Variants in USO1 observed in about 807,000 individuals in gnomAD.
USO1 encodes general vesicular transport factor p115.
In USO1, 57 loss-of-function variants were observed where a neutral mutation model predicts 124.5. The observed-to-expected ratio is 0.46, with a 90% CI of 0.37 to 0.57. USO1 has a LOEUF of 0.57. Ranked by LOEUF, USO1 falls within the 20% of genes least tolerant of loss-of-function variation. The pLI is 0.00. For missense variants in USO1, 900 were observed against 1,040.6 expected, an observed-to-expected ratio of 0.86 and a Z score of 1.86; for synonymous variants, 369 against 362.8, an observed-to-expected ratio of 1.02 and a Z score of -0.19.
chr4:75,766,930 T>C (rs543910604), intron 4 of USO1, among the ~76,000 whole-genome samples: 1 of 152,234 alleles, frequency 6.6e-6, no homozygotes, highest in South Asian at 2.1e-4. Flanking sequence ...TGTAAATGAA[T>C]GGAAATTACC....
At chr4:75,799,456 A>G (rs1166406790) in intron 13 of USO1, among the ~76,000 whole-genome samples, 166 bp from the exon 14 acceptor site, 1 of 152,198 alleles carries the variant, frequency 6.6e-6, no homozygotes, top group Non-Finnish European at 1.5e-5. Flanking sequence ...CCTGTGGTGC[A>G]TACAATAATT....
chr4:75,780,155 A>G (rs1722177774), intron 8 of USO1, among the ~76,000 whole-genome samples: 1 of 152,206 alleles, frequency 6.6e-6, no homozygotes, highest in Non-Finnish European at 1.5e-5. Context: ...GTGTAAGAGC[A>G]TGGTTTTCTA....
intron 4 of USO1, among the ~76,000 whole-genome samples, chr4:75,763,454 AAGTG>A (rs1375755748): frequency 2.6e-5 from 4 of 152,200 alleles, no homozygotes; most frequent in African/African-American, 9.6e-5. Flanking sequence ...AGGATAATGT[AAGTG>A]TTCTGGGCAC....
chr4:75,787,135 G>A lies in USO1; in HGVS notation c.929G>A (p.Cys310Tyr). The A allele has an allele frequency of 6.2e-7, 1 of 1,607,678 alleles. No individual in the cohort carries two copies. Among genetic ancestry groups the A allele is most frequent in the Non-Finnish European group, 8.5e-7 (1 of 1,177,324 alleles). ...TSSCQKAMFQ[C>Y]GLLQQLCTIL... ...AGCTGCCAGAAGGCTATGTTCCAGTGTGGGTTATTGCAGCAGCTTTGTACT... is the reference window on the plus strand; with the variant it reads ...AGCTGCCAGAAGGCTATGTTCCAGTATGGGTTATTGCAGCAGCTTTGTACT... Residue 310 changes from cysteine (C) to tyrosine (Y), a missense_variant, in exon 10 of 24, where the codon TGT becomes TAT. By Grantham distance (194) the Cys-to-Tyr change is radical. Transcript: ENST00000514213.
At chr4:75,762,942 A>G (rs1260108940) in intron 4 of USO1, among the ~76,000 whole-genome samples, 5 of 152,198 alleles carry the variant, frequency 3.3e-5, no homozygotes, top group Admixed American at 3.3e-4. Flanking sequence ...CAAAAACAAC[A>G]AAAAAAGTAT....
In USO1 at chr4:75,810,556, A is replaced by G. The variant is rs773585823; in HGVS notation, c.2583+17A>G. 3.1e-6 allele frequency: 5 copies of G among 1,588,586 alleles called. No individual in the cohort carries two copies. The highest frequency in any genetic ancestry group is 1.4e-5 in the African/African-American group (1 of 73,848). Reference sequence around the variant, plus strand: ...GAGTTAAAGGTTTGTTTTTGGTGCAACTTTTATTTACTGCATATGATATGA... The same window carrying G: ...GAGTTAAAGGTTTGTTTTTGGTGCAGCTTTTATTTACTGCATATGATATGA... On this transcript the variant is annotated intron_variant, in intron 22 of 23. Transcript: ENST00000514213.
intron 8 of USO1, among the ~76,000 whole-genome samples, chr4:75,776,813 C>T (rs1445095175): frequency 1.3e-5 from 2 of 152,092 alleles, no homozygotes; most frequent in African/African-American, 4.8e-5. Flanking sequence ...GTGAGGAAGC[C>T]TCTAATCTGG....
chr4:75,782,013 CAAAG>C (rs935620396), intron 8 of USO1, among the ~76,000 whole-genome samples: 1 of 151,542 alleles, frequency 6.6e-6, no homozygotes, highest in Non-Finnish European at 1.5e-5. Context: ...ATGCTGTAAA[CAAAG>C]AAGAAAAAGG....
chr4:75,748,762 A>T (rs940441662), intron 1 of USO1, among the ~76,000 whole-genome samples: 1 of 152,144 alleles, frequency 6.6e-6, no homozygotes, highest in Non-Finnish European at 1.5e-5. Context: ...CTGGAAAAAA[A>T]ATTTACCATT....
chr4:75,812,640 T>C (rs1300848714), intron 23 of USO1, among the ~76,000 whole-genome samples: 1 of 152,240 alleles, frequency 6.6e-6, no homozygotes, highest in Non-Finnish European at 1.5e-5. Flanking sequence ...GTAACAAGAC[T>C]GTAGTCACCC....
At chr4:75,726,079 C>G (rs185951470) in intron 1 of USO1, among the ~76,000 whole-genome samples, 460 of 152,214 alleles carry the variant, frequency 3.0e-3, no homozygotes, top group African/African-American at 0.01. Flanking sequence ...GTCGGGAGTT[C>G]GAGACCAGCC....
chr4:75,797,171 A>C (rs186563), intron 13 of USO1, among the ~76,000 whole-genome samples: 98,216 of 151,656 alleles, frequency 0.65, 33,976 homozygotes, highest in East Asian at 0.91. Context: ...CTGGTCTCCA[A>C]TCCCCCCAAA....
intron 1 of USO1, among the ~76,000 whole-genome samples, chr4:75,748,156 A>G (rs1455551845): frequency 1.3e-5 from 2 of 149,838 alleles, no homozygotes. Flanking sequence ...CGCCCCCTTC[A>G]GCCTCCCAAA....
In USO1 at chr4:75,790,217, A is replaced by G; in HGVS notation, c.1064A>G (p.Asn355Ser). 2 of 1,600,562 alleles carry G rather than the reference A, an allele frequency of 1.2e-6. No homozygotes were observed. Among genetic ancestry groups the G allele is most frequent in the Non-Finnish European group, 1.7e-6 (2 of 1,173,130 alleles). ...AACCAAGACTACTTTGCATCTGTAA[A>G]TGCACCTTCAAACCCACCAAGGTAG... ...QVNQDYFASVNAPSNPPRPAI... is the reference protein window; with the variant it reads ...QVNQDYFASVSAPSNPPRPAI... Residue 355 changes from asparagine to serine, a missense_variant, in exon 11 of 24, where the codon AAT becomes AGT. Coordinates refer to ENST00000514213, the MANE Select transcript of USO1 (RefSeq NM_003715.4).
At chr4:75,755,246 TAAG>T (rs903293325) in intron 3 of USO1, among the ~76,000 whole-genome samples, 1 of 152,338 alleles carries the variant, frequency 6.6e-6, no homozygotes. Context: ...AGCCTATACT[TAAG>T]GAGAGGAGAA....
chr4:75,810,077 G>A (rs1723103077), intron 21 of USO1, among the ~76,000 whole-genome samples: 1 of 152,200 alleles, frequency 6.6e-6, no homozygotes, highest in Admixed American at 6.5e-5. Context: ...TAGGGTGGTA[G>A]TATGGACTTA....
chr4:75,795,785 G>A (rs1722660012), intron 13 of USO1, among the ~76,000 whole-genome samples: 1 of 152,066 alleles, frequency 6.6e-6, no homozygotes, highest in Admixed American at 6.6e-5. Flanking sequence ...TATTTAAAAT[G>A]TGCAATAGTA....
chr4:75,725,032 T>C (rs2149131197), intron 1 of USO1, 147 bp downstream of exon 1: 1 of 819,466 alleles, frequency 1.2e-6, no homozygotes, highest in Non-Finnish European at 1.9e-6. Flanking sequence ...CTTCCGCTCC[T>C]GAAATCCCAG....
intron 11 of USO1, 82 bp downstream of exon 11, chr4:75,790,320 C>G: frequency 7.5e-6 from 11 of 1,466,602 alleles, no homozygotes; most frequent in Non-Finnish European, 1.0e-5. Context: ...ACATCTTACT[C>G]TTTTTAAAGA....
Sources: gnomAD v4.1 joint callset for allele counts (sites outside exome capture counted in the v4.1 genomes callset) on GRCh38, gnomAD v4.1.1 for gene constraint, MANE v1.5 for transcripts, NCBI Gene and HGNC (gene_info 2026-07-23, HGNC 2026-07-21) for gene names.